The following DGKB variants were observed in gnomAD, a reference collection of about 807,000 sequenced individuals.
DGKB encodes 90 kDa diacylglycerol kinase.
A neutral mutation model predicts 114.3 loss-of-function variants in DGKB; 67 were observed. That is an observed-to-expected ratio of 0.59 (90% CI 0.48 to 0.72). The LOEUF is 0.72. DGKB is among the 30% of genes least tolerant of loss of function. DGKB has a pLI of 0.00. For synonymous variants in DGKB, 398 were observed against 323.1 expected (o/e 1.23, Z -2.49); for missense variants, 907 against 975.2 (o/e 0.93, Z 0.93).
chr7:14,428,600 A>C (rs1827949497), intron 21 of DGKB, among the ~76,000 whole-genome samples: 1 of 151,628 alleles, frequency 6.6e-6, no homozygotes, highest in Non-Finnish European at 1.5e-5. Flanking sequence ...ATACTTGTTC[A>C]TTTTCTTCAT....
intron 20 of DGKB, among the ~76,000 whole-genome samples, chr7:14,531,546 TGAA>T (rs1791585937): frequency 6.6e-6 from 1 of 151,578 alleles, no homozygotes; most frequent in African/African-American, 2.4e-5. Context: ...CTGCGAGTAT[TGAA>T]GAAGGACTAA....
intron 13 of DGKB, among the ~76,000 whole-genome samples, chr7:14,664,328 A>T (rs1405655672): frequency 6.6e-6 from 1 of 151,952 alleles, no homozygotes; most frequent in Non-Finnish European, 1.5e-5. Context: ...GTGTCTCTTG[A>T]CTATTCACAT....
At chr7:14,753,226 G>A (rs576367796) in intron 4 of DGKB, among the ~76,000 whole-genome samples, 11 of 152,210 alleles carry the variant, frequency 7.2e-5, no homozygotes, top group African/African-American at 2.2e-4. Context: ...ACAATATTAC[G>A]GTTTTAGATA....
intron 17 of DGKB, among the ~76,000 whole-genome samples, chr7:14,603,990 A>G (rs919953893): frequency 3.9e-5 from 6 of 152,168 alleles, no homozygotes; most frequent in African/African-American, 1.4e-4. Context: ...AGCTAGAGCT[A>G]TACATACTTA....
intron 1 of DGKB, among the ~76,000 whole-genome samples, chr7:14,913,519 C>T (rs1241347553): frequency 1.3e-5 from 2 of 149,778 alleles, no homozygotes. Context: ...ACACAAATGC[C>T]ATATATTTCT....
intron 13 of DGKB, among the ~76,000 whole-genome samples, chr7:14,658,146 G>T (rs547227212): frequency 2.0e-5 from 3 of 152,050 alleles, no homozygotes; most frequent in Admixed American, 1.3e-4. Context: ...ATGGTTTTCT[G>T]AGGGTGTTAT....
At chr7:14,839,136 C>T (rs1222314645) in intron 2 of DGKB, among the ~76,000 whole-genome samples, 1 of 152,020 alleles carries the variant, frequency 6.6e-6, no homozygotes, top group East Asian at 1.9e-4. Context: ...TTCTAGCCTT[C>T]TTTAAACTAT....
chr7:14,970,980 G>A lies in DGKB; in HGVS notation c.-188+3716C>T, dbSNP rs199749811. Among the ~76,000 whole-genome samples the A allele has an allele frequency of 5.0e-4, 76 of 152,222 alleles. 2 individuals are homozygous for A. In the East Asian group the frequency reaches 0.015, roughly 29 times the overall value. The stretch of plus-strand genomic sequence containing the variant: ...AACCATTTTTTTGTAAAGCCCTAAA[G>A]TTTCAAACGCAAATCTGAATGAAAT... On this transcript the variant is annotated intron_variant, in intron 1 of 4. Coordinates refer to the DGKB transcript ENST00000437998.
intron 17 of DGKB, among the ~76,000 whole-genome samples, chr7:14,593,195 G>A (rs962634163): frequency 5.3e-5 from 8 of 151,932 alleles, no homozygotes; most frequent in Non-Finnish European, 8.8e-5. Context: ...ATGCTTATGT[G>A]TGTTAAAAGT....
intron 2 of DGKB, among the ~76,000 whole-genome samples, chr7:14,809,891 A>T (rs1843210062): frequency 6.6e-6 from 1 of 152,200 alleles, no homozygotes; most frequent in Non-Finnish European, 1.5e-5. Context: ...TTTTAGGAAT[A>T]TCAGGGTGTT....
intron 23 of DGKB, among the ~76,000 whole-genome samples, chr7:14,259,503 T>C (rs1049919282): frequency 6.6e-6 from 1 of 151,216 alleles, no homozygotes; most frequent in South Asian, 2.1e-4. Flanking sequence ...CTCGGCTCAC[T>C]GCAACTTCTG....
intron 20 of DGKB, among the ~76,000 whole-genome samples, chr7:14,530,985 A>C (rs1424031742): frequency 6.6e-6 from 1 of 151,578 alleles, no homozygotes; most frequent in Non-Finnish European, 1.5e-5. Flanking sequence ...TACCATGATA[A>C]CTTTAGACCA....
At chr7:14,973,209 A>G (rs967980688) in intron 1 of DGKB, among the ~76,000 whole-genome samples, 6 of 151,854 alleles carry the variant, frequency 4.0e-5, no homozygotes, top group African/African-American at 1.4e-4. Context: ...TTCTGAATAT[A>G]TTTCTTCTCT....
At chr7:14,240,244 C>G (rs2128362878) in intron 23 of DGKB, among the ~76,000 whole-genome samples, 1 of 152,018 alleles carries the variant, frequency 6.6e-6, no homozygotes, top group South Asian at 2.1e-4. Flanking sequence ...AAAGAACAAC[C>G]CAGTAATCCC....
chr7:14,729,344 G>T (rs377293176), intron 5 of DGKB, among the ~76,000 whole-genome samples: 77 of 151,148 alleles, frequency 5.1e-4, no homozygotes, highest in African/African-American at 9.0e-4. Context: ...GGATGGTCTC[G>T]ATCTCCTGAC....
intron 25 of DGKB, 73 bp from the exon 26 acceptor site, chr7:14,149,311 G>C: frequency 9.2e-7 from 1 of 1,090,772 alleles, no homozygotes; most frequent in Non-Finnish European, 1.4e-6. Context: ...CAATTTGTGA[G>C]ACTCTCTGTT....
intron 23 of DGKB, among the ~76,000 whole-genome samples, chr7:14,179,538 C>G (rs1045971519): frequency 1.3e-5 from 2 of 152,106 alleles, no homozygotes; most frequent in Non-Finnish European, 2.9e-5. Context: ...TGTAGGGAAT[C>G]CACTTTGTAC....
intron 1 of DGKB, among the ~76,000 whole-genome samples, chr7:14,944,624 C>G (rs1785761338): frequency 6.6e-6 from 1 of 151,716 alleles, no homozygotes; most frequent in Non-Finnish European, 1.5e-5. Context: ...ATGGTGATTT[C>G]TCCCCTCCTT....
chr7:14,460,004 C>T (rs1044742259), intron 21 of DGKB, among the ~76,000 whole-genome samples: 3 of 152,080 alleles, frequency 2.0e-5, no homozygotes, highest in Non-Finnish European at 4.4e-5. Context: ...AACTAAGCTT[C>T]GTAAGGGAAG....
Sources: allele counts gnomAD v4.1 joint callset (sites outside exome capture counted in the v4.1 genomes callset), GRCh38; gene constraint gnomAD v4.1.1; transcripts MANE v1.5; gene names NCBI Gene and HGNC (gene_info 2026-07-23, HGNC 2026-07-21).